The following ACTR3C variants were observed in gnomAD, a reference collection of about 807,000 sequenced individuals.
ACTR3C encodes actin-related protein 3C.
In ACTR3C, 18 loss-of-function variants were observed where a neutral mutation model predicts 26.3. That is an observed-to-expected ratio of 0.68 (90% CI 0.47 to 1.01). The LOEUF (loss-of-function observed/expected upper bound fraction) is 1.01, where lower values mean the gene tolerates loss of function less well. ACTR3C is among the 50% of genes least tolerant of loss of function. The probability of loss-of-function intolerance (pLI) is 0.00; values close to 1 mark genes in which losing one functional copy is unlikely to be tolerated. For missense variants in ACTR3C, 184 were observed against 250.7 expected, an observed-to-expected ratio of 0.73 and a Z score of 1.80; for synonymous variants, 55 against 94.5, an observed-to-expected ratio of 0.58 and a Z score of 2.42.
chr7:150,172,549 C>T, the ACTR3C span, among the ~76,000 whole-genome samples: 3 of 150,268 alleles, frequency 2.0e-5, no homozygotes, highest in South Asian at 4.2e-4. Flanking sequence ...GGGACAGAGC[C>T]GAACCATATC....
the ACTR3C span, among the ~76,000 whole-genome samples, chr7:150,017,540 G>T: frequency 6.7e-6 from 1 of 150,098 alleles, no homozygotes; most frequent in African/African-American, 2.5e-5. Flanking sequence ...AACATCGAAG[G>T]GTCCATCTGG....
At chr7:150,230,222 C>A in the ACTR3C span, among the ~76,000 whole-genome samples, 7 of 149,854 alleles carry the variant, frequency 4.7e-5, no homozygotes, top group African/African-American at 1.8e-4. Context: ...AAGACTCCAT[C>A]TCAAAAAAAA....
the ACTR3C span, among the ~76,000 whole-genome samples, chr7:149,903,947 G>A: frequency 2.6e-5 from 3 of 114,912 alleles, no homozygotes; most frequent in African/African-American, 5.2e-5. Flanking sequence ...TTGAGACAGC[G>A]TCTGGTTCTG....
the ACTR3C span, among the ~76,000 whole-genome samples, chr7:150,188,155 G>A: frequency 6.6e-6 from 1 of 152,062 alleles, no homozygotes; most frequent in South Asian, 2.1e-4. Flanking sequence ...TGTAAGATCT[G>A]ATCTTTGTCT....
At chr7:150,215,671 A>G in the ACTR3C span, among the ~76,000 whole-genome samples, 9 of 152,136 alleles carry the variant, frequency 5.9e-5, 1 homozygote, top group East Asian at 1.7e-3. Context: ...CTTCACAAAT[A>G]GGAAGCAGAG....
the ACTR3C span, among the ~76,000 whole-genome samples, chr7:150,221,761 G>C: frequency 6.6e-6 from 1 of 152,204 alleles, no homozygotes; most frequent in East Asian, 1.9e-4. Context: ...TTGGGAGGCC[G>C]AGGAGGGCGG....
intron 1 of ACTR3C, among the ~76,000 whole-genome samples, chr7:150,320,747 A>G (rs1465396082): frequency 6.6e-6 from 1 of 152,234 alleles, no homozygotes; most frequent in Non-Finnish European, 1.5e-5. Flanking sequence ...TGGGCAACAG[A>G]GTGAGACTCC....
chr7:150,143,123 C>T, the ACTR3C span, among the ~76,000 whole-genome samples: 189 of 152,244 alleles, frequency 1.2e-3, no homozygotes, highest in African/African-American at 4.2e-3. Context: ...TGAGCCACCG[C>T]GCCCAACCCC....
the ACTR3C span, among the ~76,000 whole-genome samples, chr7:149,942,136 ATGTG>A: frequency 0.23 from 35,638 of 151,892 alleles, 6,510 homozygotes; most frequent in African/African-American, 0.52. Context: ...GTGTGCGTGC[ATGTG>A]TGTGTGTGTA....
At chr7:150,100,906 T>C in the ACTR3C span, among the ~76,000 whole-genome samples, 1 of 151,538 alleles carries the variant, frequency 6.6e-6, no homozygotes, top group Non-Finnish European at 1.5e-5. Flanking sequence ...CATCTCACCA[T>C]GTTGCCCAGG....
the ACTR3C span, among the ~76,000 whole-genome samples, chr7:149,982,820 T>C: frequency 6.6e-6 from 1 of 152,214 alleles, no homozygotes; most frequent in Non-Finnish European, 1.5e-5. Context: ...CATAAGATCA[T>C]GTCATCCGCA....
the ACTR3C span, among the ~76,000 whole-genome samples, chr7:150,172,799 G>A: frequency 4.6e-5 from 7 of 150,718 alleles, 1 homozygote; most frequent in Admixed American, 3.9e-4. Context: ...TGTTCCAAAT[G>A]GGAGAAATTG....
At chr7:149,961,802 AAACACAT>A in the ACTR3C span, among the ~76,000 whole-genome samples, 1 of 151,646 alleles carries the variant, frequency 6.6e-6, no homozygotes, top group Non-Finnish European at 1.5e-5. Flanking sequence ...CACAGGAGGT[AAACACAT>A]AGGAAATATG....
the ACTR3C span, among the ~76,000 whole-genome samples, chr7:150,115,222 A>G: frequency 6.6e-6 from 1 of 152,354 alleles, no homozygotes; most frequent in African/African-American, 2.4e-5. Flanking sequence ...GTAAAGAAAT[A>G]ATATGACAAA....
At chr7:150,194,131 G>A in the ACTR3C span, among the ~76,000 whole-genome samples, 1 of 148,952 alleles carries the variant, frequency 6.7e-6, no homozygotes, top group Non-Finnish European at 1.5e-5. Context: ...GTGTTCTGTC[G>A]TTAGGTGCAC....
At chr7:150,148,773 A>T in the ACTR3C span, among the ~76,000 whole-genome samples, 1 of 152,048 alleles carries the variant, frequency 6.6e-6, no homozygotes, top group Admixed American at 6.5e-5. Context: ...ATCATCCTAC[A>T]ATTTATTATC....
chr7:150,061,516 G>A, the ACTR3C span, among the ~76,000 whole-genome samples: 1 of 96,978 alleles, frequency 1.0e-5, no homozygotes, highest in Non-Finnish European at 2.1e-5. Flanking sequence ...TCCCATGAAG[G>A]GTTTTACTGA....
the ACTR3C span, among the ~76,000 whole-genome samples, chr7:150,042,304 G>C: frequency 2.9e-4 from 27 of 93,422 alleles, no homozygotes; most frequent in African/African-American, 1.2e-3. Flanking sequence ...CAGAGCCAGG[G>C]GGGGAAGAGG....
At chr7:150,146,826 T>A in the ACTR3C span, among the ~76,000 whole-genome samples, 1 of 152,234 alleles carries the variant, frequency 6.6e-6, no homozygotes, top group African/African-American at 2.4e-5. Flanking sequence ...ATAACTGATG[T>A]ATTTTATTGT....
Sources: gnomAD v4.1 joint callset for allele counts (sites outside exome capture counted in the v4.1 genomes callset) on GRCh38, gnomAD v4.1.1 for gene constraint, MANE v1.5 for transcripts, NCBI Gene and HGNC (gene_info 2026-07-23, HGNC 2026-07-21) for gene names.